PAK5: variants seen among roughly 807,000 people sequenced by gnomAD.
PAK5 encodes the protein serine/threonine-protein kinase PAK 5.
In PAK5, 16 loss-of-function variants were observed where a neutral mutation model predicts 65.9. The ratio of observed to expected loss-of-function variants is 0.24; its 90% CI spans 0.16 to 0.37. The LOEUF is 0.37. PAK5 is among the 10% of genes least tolerant of loss of function. The pLI is 1.00. For synonymous variants in PAK5, 371 were observed against 354.9 expected (o/e 1.05, Z -0.51); for missense variants, 785 against 903.9 (o/e 0.87, Z 1.69).
chr20:9,577,446 A>T (rs917929189), intron 4 of PAK5: 1 of 146,410 alleles, frequency 6.8e-6, no homozygotes, highest in Admixed American at 6.7e-5. Flanking sequence ...TTTCTGCTTC[A>T]TCTGGAGACC....
chr20:9,682,838 G>C (rs962119206), intron 2 of PAK5, among the ~76,000 whole-genome samples: 1 of 152,136 alleles, frequency 6.6e-6, no homozygotes, highest in South Asian at 2.1e-4. Context: ...TCATCCATTG[G>C]AATGACAACA....
chr20:9,641,624 G>A (rs1339707267), intron 3 of PAK5, among the ~76,000 whole-genome samples: 2 of 152,022 alleles, frequency 1.3e-5, no homozygotes, highest in East Asian at 3.9e-4. Context: ...ATGGGACTGG[G>A]CGCTGTGGAG....
intron 1 of PAK5, among the ~76,000 whole-genome samples, chr20:9,799,403 A>G (rs943056906): frequency 2.6e-5 from 4 of 152,174 alleles, no homozygotes; most frequent in African/African-American, 9.6e-5. Flanking sequence ...TGAAAAGGAT[A>G]GAGCTACTTC....
intron 1 of PAK5, among the ~76,000 whole-genome samples, chr20:9,751,028 T>A (rs1318387772): frequency 6.6e-6 from 1 of 152,154 alleles, no homozygotes; most frequent in East Asian, 1.9e-4. Flanking sequence ...AGAAAAGAGA[T>A]TGTAGATATT....
intron 1 of PAK5, among the ~76,000 whole-genome samples, chr20:9,828,628 T>C (rs143905939): frequency 2.7e-4 from 41 of 152,292 alleles, no homozygotes; most frequent in African/African-American, 9.9e-4. Flanking sequence ...CTAAAAACAA[T>C]TAGCTAAAAA....
At chr20:9,635,639 G>A (rs941082761) in intron 3 of PAK5, among the ~76,000 whole-genome samples, 1 of 152,112 alleles carries the variant, frequency 6.6e-6, no homozygotes, top group African/African-American at 2.4e-5. Flanking sequence ...GTGCCCTGAT[G>A]TTCATCCAGA....
chr20:9,574,819 T>G (rs968675073), intron 4 of PAK5, among the ~76,000 whole-genome samples: 2 of 152,144 alleles, frequency 1.3e-5, no homozygotes, highest in Non-Finnish European at 2.9e-5. Flanking sequence ...AATATATCCA[T>G]TGTTATATTA....
intron 4 of PAK5, among the ~76,000 whole-genome samples, chr20:9,575,424 C>T (rs529708356): frequency 1.3e-5 from 2 of 152,248 alleles, no homozygotes; most frequent in South Asian, 2.1e-4. Flanking sequence ...AGCTACTAAG[C>T]GCTTGAATCC....
chr20:9,577,575 C>T (rs1037445355), intron 4 of PAK5: 1 of 152,228 alleles, frequency 6.6e-6, no homozygotes, highest in Non-Finnish European at 1.5e-5. Flanking sequence ...CTTCCCTCAG[C>T]TGGAAATCCA....
intron 1 of PAK5, among the ~76,000 whole-genome samples, chr20:9,801,096 G>C (rs1429691495): frequency 1.3e-5 from 2 of 152,042 alleles, no homozygotes; most frequent in Non-Finnish European, 2.9e-5. Flanking sequence ...AACAATAGAA[G>C]ACATAGAGGT....
intron 1 of PAK5, among the ~76,000 whole-genome samples, chr20:9,736,091 G>T (rs758212826): frequency 1.3e-5 from 2 of 151,698 alleles, no homozygotes; most frequent in Non-Finnish European, 2.9e-5. Context: ...AGTAGAGATG[G>T]GGTTTCTCTA....
At chr20:9,656,931 GTACAC>G (rs1321552942) in intron 2 of PAK5, among the ~76,000 whole-genome samples, 1 of 152,116 alleles carries the variant, frequency 6.6e-6, no homozygotes, top group East Asian at 1.9e-4. Flanking sequence ...ACACATAAAT[GTACAC>G]TTTACTTGAA....
chr20:9,556,049 T>G (rs2045501215), intron 7 of PAK5, among the ~76,000 whole-genome samples: 1 of 151,906 alleles, frequency 6.6e-6, no homozygotes, highest in Non-Finnish European at 1.5e-5. Flanking sequence ...CCCAGAGGAG[T>G]CAGCACAAAT....
At chr20:9,803,136 C>T (rs1188751324) in intron 1 of PAK5, among the ~76,000 whole-genome samples, 2 of 151,266 alleles carry the variant, frequency 1.3e-5, no homozygotes, top group African/African-American at 4.9e-5. Flanking sequence ...CAATTAAGGA[C>T]AAAAACAAGA....
chr20:9,720,473 C>T (rs545728996), intron 1 of PAK5, among the ~76,000 whole-genome samples: 6 of 152,184 alleles, frequency 3.9e-5, no homozygotes, highest in South Asian at 4.2e-4. Flanking sequence ...CCATAACACA[C>T]ATTTATTTTA....
chr20:9,706,744 G>A (rs1409824507), intron 2 of PAK5, among the ~76,000 whole-genome samples: 1 of 151,766 alleles, frequency 6.6e-6, no homozygotes, highest in African/African-American at 2.4e-5. Flanking sequence ...TTGAGCTCAA[G>A]CAATCCACCT....
intron 1 of PAK5, among the ~76,000 whole-genome samples, chr20:9,744,487 A>T (rs2048484955): frequency 6.6e-6 from 1 of 152,232 alleles, no homozygotes; most frequent in Non-Finnish European, 1.5e-5. Context: ...CCCAGTCTTC[A>T]CAGACCTTTA....
intron 3 of PAK5, among the ~76,000 whole-genome samples, chr20:9,633,763 C>G (rs1019223720): frequency 1.3e-5 from 2 of 152,152 alleles, no homozygotes; most frequent in African/African-American, 4.8e-5. Context: ...TCACTTCCTC[C>G]CAGGAGTTAC....
chr20:9,699,483 T>C (rs778134791), intron 2 of PAK5, among the ~76,000 whole-genome samples: 1 of 151,476 alleles, frequency 6.6e-6, no homozygotes, highest in Non-Finnish European at 1.5e-5. Flanking sequence ...CCCCTCAGTC[T>C]ATTCCTTTTG....
Sources: gnomAD v4.1 joint callset for allele counts (sites outside exome capture counted in the v4.1 genomes callset) on GRCh38, gnomAD v4.1.1 for gene constraint, MANE v1.5 for transcripts, NCBI Gene and HGNC (gene_info 2026-07-23, HGNC 2026-07-21) for gene names.